The following NRG1 variants were observed in gnomAD, a reference collection of about 807,000 sequenced individuals.
NRG1 encodes the protein neuregulin 1, also known as pro-neuregulin-1, membrane-bound isoform.
NRG1 carries 18 observed loss-of-function variants against 63.8 expected under a neutral mutation model. That is an observed-to-expected ratio of 0.28 (90% confidence interval 0.19 to 0.42). NRG1 has a LOEUF of 0.42. NRG1 is among the 10% of genes least tolerant of loss of function. The pLI, the probability that NRG1 is intolerant of heterozygous loss-of-function variation, is 1.00. For synonymous variants in NRG1, 302 were observed against 301.3 expected, an observed-to-expected ratio of 1.00 and a Z score of -0.02; for missense variants, 762 against 814.7, an observed-to-expected ratio of 0.94 and a Z score of 0.79.
chr8:32,194,442 C>G (rs551672351), intron 1 of NRG1, among the ~76,000 whole-genome samples: 1 of 152,032 alleles, frequency 6.6e-6, no homozygotes, highest in Non-Finnish European at 1.5e-5. Context: ...CATGATGATT[C>G]AGCTCTCATC....
chr8:32,089,802 GAGAA>G (rs1349902337), intron 1 of NRG1, among the ~76,000 whole-genome samples: 2 of 151,950 alleles, frequency 1.3e-5, no homozygotes, highest in East Asian at 1.9e-4. Flanking sequence ...GTGGGAAAAA[GAGAA>G]AGAAAAAAAG....
At chr8:32,235,451 A>G (rs988931524) in intron 1 of NRG1, among the ~76,000 whole-genome samples, 7 of 152,078 alleles carry the variant, frequency 4.6e-5, no homozygotes, top group African/African-American at 1.7e-4. Context: ...ACTGAAGGTC[A>G]TGGCTAACAG....
At chr8:32,057,192 T>G (rs1823087967) in intron 1 of NRG1, among the ~76,000 whole-genome samples, 1 of 152,198 alleles carries the variant, frequency 6.6e-6, no homozygotes, top group South Asian at 2.1e-4. Context: ...GCACTTCTAA[T>G]TCGTGTGAAT....
intron 1 of NRG1, among the ~76,000 whole-genome samples, chr8:32,403,057 G>A (rs529984591): frequency 6.6e-6 from 1 of 151,898 alleles, no homozygotes; most frequent in African/African-American, 2.4e-5. Context: ...CCAGCACTTT[G>A]GGAGGCCAAG....
intron 1 of NRG1, among the ~76,000 whole-genome samples, chr8:31,977,272 T>C (rs1269504645): frequency 3.3e-5 from 5 of 152,178 alleles, no homozygotes; most frequent in Admixed American, 3.3e-4. Context: ...AAACCCTTGA[T>C]TTCCAGGATA....
chr8:32,382,140 G>A (rs1459615663), intron 1 of NRG1, among the ~76,000 whole-genome samples: 3 of 152,134 alleles, frequency 2.0e-5, no homozygotes, highest in Non-Finnish European at 4.4e-5. Flanking sequence ...GTCTTATGAA[G>A]TGAGTATTAT....
intron 1 of NRG1, among the ~76,000 whole-genome samples, chr8:31,892,922 T>A (rs1277958429): frequency 6.6e-6 from 1 of 151,994 alleles, no homozygotes; most frequent in African/African-American, 2.4e-5. Context: ...CTGAAATAAA[T>A]GTATAAAACA....
chr8:32,496,621 G>A (rs1419351461), intron 1 of NRG1, among the ~76,000 whole-genome samples: 3 of 151,970 alleles, frequency 2.0e-5, no homozygotes, highest in African/African-American at 7.3e-5. Context: ...AGAAAGGATA[G>A]GTGTGTTTGG....
At chr8:31,903,314 AT>A (rs372592426) in intron 1 of NRG1, among the ~76,000 whole-genome samples, 2 of 150,916 alleles carry the variant, frequency 1.3e-5, no homozygotes, top group Non-Finnish European at 3.0e-5. Flanking sequence ...ATGCCTGGCT[AT>A]TTTTTTTGTA....
At chr8:32,619,391 G>A (rs979716371) in intron 5 of NRG1, among the ~76,000 whole-genome samples, 1 of 152,028 alleles carries the variant, frequency 6.6e-6, no homozygotes, top group Non-Finnish European at 1.5e-5. Context: ...AGAAGATGAG[G>A]GCCACAGACC....
chr8:31,668,231 C>G (rs1031192828), intron 1 of NRG1, among the ~76,000 whole-genome samples: 6 of 152,144 alleles, frequency 3.9e-5, no homozygotes, highest in African/African-American at 1.4e-4. Flanking sequence ...ATTCTTGGAT[C>G]ATTGGTTTAG....
chr8:31,641,678 T>A (rs1417750060), intron 1 of NRG1: 2 of 152,234 alleles, frequency 1.3e-5, no homozygotes, highest in Admixed American at 1.3e-4. Context: ...ATATAATCAC[T>A]AACACATAGC....
chr8:31,698,899 A>T (rs551172849), intron 1 of NRG1, among the ~76,000 whole-genome samples: 49 of 152,336 alleles, frequency 3.2e-4, no homozygotes, highest in Admixed American at 6.5e-4. Flanking sequence ...TTAAACAAAG[A>T]TTTATGAACA....
At chr8:32,748,487 A>G (rs1469208861) in intron 7 of NRG1, among the ~76,000 whole-genome samples, 1 of 151,116 alleles carries the variant, frequency 6.6e-6, no homozygotes, top group Non-Finnish European at 1.5e-5. Context: ...GAGATTTTTT[A>G]TTTTTTTTAT....
intron 1 of NRG1, among the ~76,000 whole-genome samples, chr8:32,036,274 T>C (rs535763298): frequency 1.3e-5 from 2 of 152,288 alleles, no homozygotes; most frequent in East Asian, 3.9e-4. Context: ...TCTTCTGGCT[T>C]TTTGGGTTTC....
At chr8:31,806,043 A>T (rs1822252062) in intron 1 of NRG1, among the ~76,000 whole-genome samples, 1 of 152,168 alleles carries the variant, frequency 6.6e-6, no homozygotes, top group Non-Finnish European at 1.5e-5. Flanking sequence ...GATGATTTTT[A>T]AAAATTATGG....
chr8:32,702,827 G>A (rs1156818402), intron 5 of NRG1, among the ~76,000 whole-genome samples: 1 of 152,136 alleles, frequency 6.6e-6, no homozygotes, highest in South Asian at 2.1e-4. Flanking sequence ...AAAACTTGAG[G>A]AAGGGAGGAG....
At chr8:32,274,550 T>C (rs1851889252) in intron 1 of NRG1, among the ~76,000 whole-genome samples, 2 of 152,200 alleles carry the variant, frequency 1.3e-5, no homozygotes, top group South Asian at 2.1e-4. Context: ...TTCATTAACA[T>C]TTACAACACA....
intron 1 of NRG1, among the ~76,000 whole-genome samples, chr8:32,086,109 G>A (rs979753403): frequency 6.6e-6 from 1 of 152,174 alleles, no homozygotes; most frequent in African/African-American, 2.4e-5. Context: ...CATTACATTA[G>A]CTTAATGCTG....
Sources: allele counts gnomAD v4.1 joint callset (sites outside exome capture counted in the v4.1 genomes callset), GRCh38; gene constraint gnomAD v4.1.1; transcripts MANE v1.5; gene names NCBI Gene and HGNC (gene_info 2026-07-23, HGNC 2026-07-21).